Variants in SLC30A7 observed in about 807,000 individuals in gnomAD.
The protein encoded by SLC30A7 is zinc transporter 7.
A neutral mutation model predicts 46.0 loss-of-function variants in SLC30A7; 35 were observed. The ratio of observed to expected loss-of-function variants is 0.76; its 90% CI spans 0.58 to 1.01. The LOEUF is 1.01. SLC30A7 is among the 50% of genes least tolerant of loss of function. The pLI is 0.00. For missense variants in SLC30A7, 464 were observed against 451.1 expected (o/e 1.03, Z -0.26); for synonymous variants, 147 against 157.8 (o/e 0.93, Z 0.51).
At chr1:100,925,751 T>A (rs1189093837) in intron 8 of SLC30A7, among the ~76,000 whole-genome samples, 1 of 152,166 alleles carries the variant, frequency 6.6e-6, no homozygotes, top group Non-Finnish European at 1.5e-5. Flanking sequence ...TAAAAAATTC[T>A]GTTTTGGATA....
intron 10 of SLC30A7, among the ~76,000 whole-genome samples, chr1:100,973,588 C>T (rs192547971): frequency 7.9e-5 from 12 of 152,018 alleles, no homozygotes; most frequent in South Asian, 6.2e-4. Flanking sequence ...CAATAAACAC[C>T]GTGAATAAGT....
chr1:100,956,359 G>GA (rs1344420212), intron 8 of SLC30A7, among the ~76,000 whole-genome samples: 1 of 151,938 alleles, frequency 6.6e-6, no homozygotes, highest in East Asian at 1.9e-4. Context: ...ATTTTAGGAG[G>GA]AAAAAAGGAA....
At chr1:100,990,219 A>T in the SLC30A7 span, 1 of 594,508 alleles carries the variant, frequency 1.7e-6, no homozygotes, top group Non-Finnish European at 3.0e-6. Flanking sequence ...TAAAACCATC[A>T]GATCTCATGA....
the SLC30A7 span, among the ~76,000 whole-genome samples, chr1:100,989,070 A>G: frequency 1.3e-5 from 2 of 152,166 alleles, no homozygotes; most frequent in Non-Finnish European, 2.9e-5. Flanking sequence ...AGTTGAACCA[A>G]CTGAACTAGG....
intron 5 of SLC30A7, 127 bp downstream of exon 5, chr1:100,912,365 A>G: frequency 9.2e-7 from 1 of 1,089,752 alleles, no homozygotes; most frequent in Non-Finnish European, 1.3e-6. Context: ...TATCTTCCTG[A>G]ACTATCCCTT....
intron 2 of SLC30A7, among the ~76,000 whole-genome samples, chr1:100,904,199 A>T (rs1651488391): frequency 6.6e-6 from 1 of 152,204 alleles, no homozygotes; most frequent in Non-Finnish European, 1.5e-5. Context: ...TGACTTCAGA[A>T]GCTTGTTTTT....
chr1:100,993,597 T>TATATATATATATATATATATAC, the SLC30A7 span, among the ~76,000 whole-genome samples: 1 of 130,124 alleles, frequency 7.7e-6, no homozygotes, highest in African/African-American at 2.9e-5. Flanking sequence ...TATATATATA[T>TATATATATATATATATATATAC]AGCTATTGTG....
chr1:100,909,043 A>ATGTG (rs72292631), intron 3 of SLC30A7, among the ~76,000 whole-genome samples: 3,323 of 148,234 alleles, frequency 0.022, 62 homozygotes, highest in Middle Eastern at 0.031. Context: ...TCCTCTCTTT[A>ATGTG]TGTGTGTGTG....
downstream of SLC30A7, among the ~76,000 whole-genome samples, chr1:100,983,015 G>A (rs188638228): frequency 2.6e-5 from 4 of 152,210 alleles, no homozygotes; most frequent in South Asian, 4.1e-4. Flanking sequence ...TTTCCTAACC[G>A]CAGAAGCCAC....
intron 8 of SLC30A7, 27 bp from the exon 9 acceptor site, chr1:100,961,801 A>G (rs1570586873): frequency 1.4e-6 from 2 of 1,434,810 alleles, no homozygotes; most frequent in East Asian, 2.3e-5. Context: ...TGTGACTTTA[A>G]TAAATTGTTG....
At chr1:100,933,807 A>C (rs549118285) in intron 8 of SLC30A7, among the ~76,000 whole-genome samples, 1 of 152,280 alleles carries the variant, frequency 6.6e-6, no homozygotes, top group Admixed American at 6.5e-5. Context: ...TTCTTAATCC[A>C]GTCTATCATT....
In SLC30A7 at chr1:100,944,269, G is replaced by GA. The variant is rs374575704; in HGVS notation, c.843-17558dup. 4.1e-3 allele frequency among the ~76,000 whole-genome samples: 619 copies of GA among 152,144 alleles called. 4 individuals are homozygous for GA. The highest frequency in any genetic ancestry group is 0.014 in the African/African-American group (600 of 41,516). ...TGTCCAGGCTGGTCTCAAACTCCTG[G>GA]ACTCAAGAAATCCACCCTCCTCAGT... On this transcript the variant is annotated intron_variant, in intron 8 of 10. Transcript: ENST00000357650.
At chr1:100,957,162 T>TA (rs1386594989) in intron 8 of SLC30A7, among the ~76,000 whole-genome samples, 1 of 152,224 alleles carries the variant, frequency 6.6e-6, no homozygotes, top group Non-Finnish European at 1.5e-5. Flanking sequence ...GCTGTGTCCT[T>TA]AAACAAGTTA....
intron 1 of SLC30A7, 25 bp from the exon 2 acceptor site, chr1:100,896,545 T>G (rs1049692551): frequency 6.2e-7 from 1 of 1,605,714 alleles, no homozygotes; most frequent in Non-Finnish European, 8.5e-7. Context: ...CTCTCCCGGC[T>G]CTTTTCCACG....
In SLC30A7 at chr1:100,979,436, C is replaced by CAAAAAAA. The variant is rs67182429; in HGVS notation, c.*4595_*4601dup. The CAAAAAAA allele has an allele frequency of 2.1e-3, 193 of 90,440 alleles. No homozygotes were observed. Among genetic ancestry groups the CAAAAAAA allele is most frequent in the Non-Finnish European group, 2.7e-3 (124 of 45,538 alleles). The allele number at this position is 90,440 out of a possible 1,614,324, so 5.6% of individuals were successfully genotyped here. A position where few individuals can be genotyped will look rare whatever the true frequency, so the allele number is the denominator to read the frequency against. Reference sequence around the variant, plus strand: ...CAAATACAGTGAAAGATTATGTATCCAAAAAAAAAAAAAAAAAAAAAAGAA... The same window carrying CAAAAAAA: ...CAAATACAGTGAAAGATTATGTATCCAAAAAAAAAAAAAAAAAAAAAAAAAAAAAGAA... On this transcript the variant is annotated 3_prime_UTR_variant, in exon 11 of 11. Coordinates refer to ENST00000357650, the MANE Select transcript of SLC30A7 (RefSeq NM_133496.5).
chr1:100,917,220 C>T (rs1374958188), intron 6 of SLC30A7, among the ~76,000 whole-genome samples: 5 of 152,220 alleles, frequency 3.3e-5, no homozygotes, highest in African/African-American at 1.2e-4. Flanking sequence ...TTTTGGCTAT[C>T]AGCTGGATTT....
In SLC30A7 at chr1:100,923,112, G is replaced by T. The variant is rs931852175; in HGVS notation, c.842+1271G>T. ...CTCACTGCAGGCTCCGCCCCCTGGG[G>T]TTCACGCCATTCTCCTGCCTCAGCC... On this transcript the variant is annotated intron_variant, in intron 8 of 10. Coordinates refer to ENST00000357650, the MANE Select transcript of SLC30A7 (RefSeq NM_133496.5). Among the ~76,000 whole-genome samples the T allele has an allele frequency of 3.8e-5, 4 of 106,122 alleles. 1 individual carries two copies. The highest frequency in any genetic ancestry group is 8.1e-5 in the Non-Finnish European group (4 of 49,342). 69.6% of individuals were successfully genotyped at this position (106,122 alleles called of 152,430 possible). A position where few individuals can be genotyped will look rare whatever the true frequency, so the allele number is the denominator to read the frequency against.
intron 8 of SLC30A7, among the ~76,000 whole-genome samples, chr1:100,933,331 T>C (rs1016649141): frequency 2.6e-5 from 4 of 152,170 alleles, no homozygotes; most frequent in Non-Finnish European, 5.9e-5. Context: ...CTCTATACTT[T>C]GCTGCCCCTG....
At chr1:100,986,409 TAAA>T (rs568152369), downstream of SLC30A7, among the ~76,000 whole-genome samples, 1 of 129,020 alleles carries the variant, frequency 7.8e-6, no homozygotes, top group Non-Finnish European at 1.7e-5. Context: ...AACTCTTGTC[TAAA>T]AAAAAAAAAA....
Sources: gnomAD v4.1 joint callset for allele counts (sites outside exome capture counted in the v4.1 genomes callset) on GRCh38, gnomAD v4.1.1 for gene constraint, MANE v1.5 for transcripts, NCBI Gene and HGNC (gene_info 2026-07-23, HGNC 2026-07-21) for gene names.